The following IMMP2L variants were observed in gnomAD, a reference collection of about 807,000 sequenced individuals.
IMMP2L encodes the protein mitochondrial inner membrane protease subunit 2.
A neutral mutation model predicts 19.3 loss-of-function variants in IMMP2L; 18 were observed. That is an observed-to-expected ratio of 0.93 (90% CI 0.64 to 1.38). The LOEUF (loss-of-function observed/expected upper bound fraction) is 1.38. Ranked by LOEUF, IMMP2L falls within the 40% of genes most tolerant of loss-of-function variation. IMMP2L has a pLI of 0.00. For synonymous variants in IMMP2L, 76 were observed against 73.0 expected, an observed-to-expected ratio of 1.04 and a Z score of -0.21; for missense variants, 233 against 218.2, an observed-to-expected ratio of 1.07 and a Z score of -0.43.
rs150013417 is a variant in IMMP2L, at chr7:110,833,154, T to C, written c.408+53439A>G. On this transcript the variant is annotated intron_variant, in intron 5 of 5. Coordinates refer to ENST00000405709, the MANE Select transcript of IMMP2L (RefSeq NM_032549.4). ...GGAGCTCTTAGAAGAGTTTTAATCA[T>C]GAGGTCGGGCACGGTGGCTCATGCC... Among the ~76,000 whole-genome samples the C allele has an allele frequency of 2.0e-5, 3 of 152,238 alleles. No individual in the cohort carries two copies. In the East Asian group the frequency reaches 5.8e-4, roughly 29 times the overall value.
intron 3 of IMMP2L, among the ~76,000 whole-genome samples, chr7:111,250,471 A>G (rs778635874): frequency 6.6e-6 from 1 of 152,190 alleles, no homozygotes; most frequent in African/African-American, 2.4e-5. Flanking sequence ...AAAAGAACAA[A>G]GCTGGAGGTA....
At chr7:111,422,332 T>G (rs1324549037) in intron 3 of IMMP2L, among the ~76,000 whole-genome samples, 1 of 151,852 alleles carries the variant, frequency 6.6e-6, no homozygotes, top group East Asian at 1.9e-4. Context: ...ATTTTCATGA[T>G]ATTGATTCTT....
Position 111,432,498 on chromosome 7 carries a change from T to C in IMMP2L, c.239+54740A>G, listed in dbSNP as rs182539886. Among the ~76,000 whole-genome samples the C allele has an allele frequency of 2.0e-5, 3 of 151,888 alleles. No individual in the cohort carries two copies. The East Asian group carries it at 5.8e-4, about 29-fold the overall frequency. ...CATCTCAACAGATGCAGAAAATGCC[T>C]TCAGTAAAATTCAGCATGGCTTCGT... On this transcript the variant is annotated intron_variant, in intron 3 of 5. Coordinates refer to ENST00000405709, the MANE Select transcript of IMMP2L (RefSeq NM_032549.4).
chr7:111,281,088 GAGAGAGAA>G (rs1324133662), intron 3 of IMMP2L, among the ~76,000 whole-genome samples: 1,571 of 35,352 alleles, frequency 0.044, 33 homozygotes, highest in African/African-American at 0.081. Flanking sequence ...AAGAAGGAAA[GAGAGAGAA>G]AGAGAGAAAG....
chr7:111,434,836 T>C (rs1424049161), intron 3 of IMMP2L, among the ~76,000 whole-genome samples: 1 of 151,890 alleles, frequency 6.6e-6, no homozygotes, highest in African/African-American at 2.4e-5. Flanking sequence ...TTTACAAGCA[T>C]GAGCCACTGT....
chr7:111,438,575 T>C (rs1837418309), intron 3 of IMMP2L, among the ~76,000 whole-genome samples: 2 of 151,946 alleles, frequency 1.3e-5, no homozygotes, highest in Non-Finnish European at 1.5e-5. Context: ...ATCTACTTGA[T>C]ATTGTCTTAT....
chr7:111,539,899 G>A (rs960288215), intron 1 of IMMP2L, among the ~76,000 whole-genome samples: 5 of 151,896 alleles, frequency 3.3e-5, no homozygotes, highest in Non-Finnish European at 7.4e-5. Context: ...CCAGGTAGAG[G>A]GAAAACAAAA....
rs929792127 is a variant in IMMP2L, at chr7:110,877,549, A to C, written c.408+9044T>G. On this transcript the variant is annotated intron_variant, in intron 5 of 5. Coordinates refer to ENST00000405709, the MANE Select transcript of IMMP2L (RefSeq NM_032549.4). The surrounding 1 kb of genome is among the most constrained non-coding windows in gnomAD (Gnocchi z 4.0). ...AACCAAATGGTGAATTTATGGAATG[A>C]TCAAGGCATAGGCAGGTAAGACGGA... Among the ~76,000 whole-genome samples, 1 of 152,176 alleles carries C rather than the reference A, an allele frequency of 6.6e-6. No homozygotes were observed. Among genetic ancestry groups the C allele is most frequent in the Non-Finnish European group, 1.5e-5 (1 of 68,032 alleles).
intron 4 of IMMP2L, among the ~76,000 whole-genome samples, chr7:110,892,912 G>C (rs1585164829): frequency 6.6e-6 from 1 of 152,084 alleles, no homozygotes; most frequent in African/African-American, 2.4e-5. Flanking sequence ...GTCTCTCTGT[G>C]AGAAATCTAC....
chr7:111,180,507 T>G (rs1807586530), intron 3 of IMMP2L, among the ~76,000 whole-genome samples: 1 of 151,986 alleles, frequency 6.6e-6, no homozygotes, highest in African/African-American at 2.4e-5. Context: ...CAAAGATTAC[T>G]AATCACAGAT....
intron 5 of IMMP2L, among the ~76,000 whole-genome samples, chr7:110,817,594 C>A (rs138047653): frequency 6.6e-6 from 1 of 151,952 alleles, no homozygotes; most frequent in Non-Finnish European, 1.5e-5. Context: ...ACTTTCTTCA[C>A]AGAATTGGAA....
In IMMP2L at chr7:110,924,404, T is replaced by C. The variant is rs984617189; in HGVS notation, c.306-37709A>G. On this transcript the variant is annotated intron_variant, in intron 4 of 5. Transcript: ENST00000405709. This position sits in a 1 kb window ranked among gnomAD's most constrained non-coding sequence, Gnocchi z 4.2. ...AGCGCTACCTTTGCCAACGGAGTCCTGCAATGACATACCAGACTCATTAAA... is the reference window on the plus strand; with the variant it reads ...AGCGCTACCTTTGCCAACGGAGTCCCGCAATGACATACCAGACTCATTAAA... Among the ~76,000 whole-genome samples the C allele has an allele frequency of 1.3e-5, 2 of 152,104 alleles. No individual in the cohort carries two copies. The highest frequency in any genetic ancestry group is 2.9e-5 in the Non-Finnish European group (2 of 68,012).
intron 3 of IMMP2L, among the ~76,000 whole-genome samples, chr7:110,967,560 A>G (rs1819681261): frequency 6.6e-6 from 1 of 152,050 alleles, no homozygotes; most frequent in Non-Finnish European, 1.5e-5. Context: ...AATTAAAGTA[A>G]CCTTAGCCAC....
chr7:111,424,521 A>G (rs1282889109), intron 3 of IMMP2L, among the ~76,000 whole-genome samples: 1 of 151,800 alleles, frequency 6.6e-6, no homozygotes, highest in African/African-American at 2.4e-5. Flanking sequence ...ACAAAAGCTC[A>G]GCATTTAAAT....
intron 3 of IMMP2L, among the ~76,000 whole-genome samples, chr7:111,398,004 T>G (rs375068078): frequency 6.6e-6 from 1 of 152,170 alleles, no homozygotes; most frequent in East Asian, 1.9e-4. Context: ...TTAATATTAT[T>G]TCTATATTTA....
At chr7:110,747,597 T>C (rs775645430) in intron 5 of IMMP2L, among the ~76,000 whole-genome samples, 18 of 152,034 alleles carry the variant, frequency 1.2e-4, no homozygotes, top group Admixed American at 2.0e-4. Context: ...GTTCAACATA[T>C]GCAAATCAAT....
intron 3 of IMMP2L, among the ~76,000 whole-genome samples, chr7:111,327,140 G>A (rs546091527): frequency 4.5e-4 from 68 of 151,872 alleles, no homozygotes; most frequent in African/African-American, 1.6e-3. Flanking sequence ...AGTCACAGAA[G>A]CGCAAATACT....
At chr7:111,354,287 T>C (rs1274227753) in intron 3 of IMMP2L, among the ~76,000 whole-genome samples, 1 of 152,010 alleles carries the variant, frequency 6.6e-6, no homozygotes, top group Non-Finnish European at 1.5e-5. Context: ...GTAACATATT[T>C]ACCACATTAA....
chr7:111,009,364 G>A (rs1379237581), intron 3 of IMMP2L, among the ~76,000 whole-genome samples: 1 of 152,016 alleles, frequency 6.6e-6, no homozygotes, highest in East Asian at 1.9e-4. Flanking sequence ...GAACATATAT[G>A]CATTTTTTTC....
Sources: allele counts gnomAD v4.1 joint callset (sites outside exome capture counted in the v4.1 genomes callset), GRCh38; gene constraint gnomAD v4.1.1; non-coding constraint Gnocchi (gnomAD v3.1); transcripts MANE v1.5; gene names NCBI Gene and HGNC (gene_info 2026-07-23, HGNC 2026-07-21).